ACP7: variants seen among roughly 807,000 people sequenced by gnomAD.
The protein encoded by ACP7 is acid phosphatase 7, tartrate resistant (putative).
ACP7 carries 58 observed loss-of-function variants against 60.6 expected under a neutral mutation model. The ratio of observed to expected loss-of-function variants is 0.96; its 90% confidence interval spans 0.77 to 1.19. ACP7 has a LOEUF of 1.19. ACP7 is among the 50% of genes most tolerant of loss of function. The pLI is 0.00. For missense variants in ACP7, 574 were observed against 596.2 expected (o/e 0.96, Z 0.39); for synonymous variants, 237 against 232.6 (o/e 1.02, Z -0.17).
intron 2 of ACP7, among the ~76,000 whole-genome samples, chr19:39,086,024 G>A (rs1225466254): frequency 2.6e-5 from 4 of 152,256 alleles, no homozygotes; most frequent in Non-Finnish European, 5.9e-5. Flanking sequence ...GTTGCTACCT[G>A]TAAAGGGGCA....
chr19:39,100,909 C>T, intron 7 of ACP7, 40 bp from the exon 8 acceptor site: 1 of 1,610,650 alleles, frequency 6.2e-7, no homozygotes, highest in South Asian at 1.1e-5. Context: ...CCCCCTCCAC[C>T]CCTGACTCCT....
intron 2 of ACP7, among the ~76,000 whole-genome samples, chr19:39,091,672 G>A (rs2073206081): frequency 6.6e-6 from 1 of 152,122 alleles, no homozygotes; most frequent in African/African-American, 2.4e-5. Flanking sequence ...CACTTTGGGA[G>A]GCTGAGGTGG....
Position 39,100,319 on chromosome 19 carries a change from A to G in ACP7, c.598A>G (p.Met200Val). 6.2e-7 allele frequency: 1 copy of G among 1,614,080 alleles called. No homozygotes were observed. The highest frequency in any genetic ancestry group is 1.1e-5 in the South Asian group (1 of 91,070). ...IEPVAASLPY[M>V]TCPGNHEERY... ...ACCCGTGGCTGCCAGCCTGCCGTACATGACATGCCCTGGGAATCATGAAGA... is the reference window on the plus strand; with the variant it reads ...ACCCGTGGCTGCCAGCCTGCCGTACGTGACATGCCCTGGGAATCATGAAGA... Residue 200 changes from methionine to valine, a missense_variant, in exon 5 of 13, where the codon ATG becomes GTG. Coordinates refer to ENST00000331256, the MANE Select transcript of ACP7 (RefSeq NM_001004318.3).
chr19:39,086,395 T>G (rs1434856367), intron 2 of ACP7, among the ~76,000 whole-genome samples: 1 of 152,024 alleles, frequency 6.6e-6, no homozygotes, highest in African/African-American at 2.4e-5. Flanking sequence ...TTTGGGACAC[T>G]GAGGTGGGTG....
At position 39,101,000 on chromosome 19, in the gene ACP7, C is replaced by A; in HGVS notation, c.859C>A (p.Arg287=). 1 of 1,613,848 alleles carries A rather than the reference C, an allele frequency of 6.2e-7. No individual in the cohort carries two copies. Among genetic ancestry groups the A allele is most frequent in the Non-Finnish European group, 8.5e-7 (1 of 1,179,994 alleles). The change falls in exon 8 of 13, where the codon CGG becomes AGG. Residue 287 remains arginine (R), a synonymous_variant. Coordinates refer to ENST00000331256, the MANE Select transcript of ACP7 (RefSeq NM_001004318.3). The part of the protein sequence containing the change: ...ARPWIITMGH[R]PMYCSNADLD... ...GCCGTGGATCATCACTATGGGGCACCGGCCCATGTACTGCTCCAACGCAGA... is the reference window on the plus strand; with the variant it reads ...GCCGTGGATCATCACTATGGGGCACAGGCCCATGTACTGCTCCAACGCAGA...
At chr19:39,089,153 T>A (rs985046863) in intron 2 of ACP7, among the ~76,000 whole-genome samples, 2 of 152,116 alleles carry the variant, frequency 1.3e-5, no homozygotes, top group East Asian at 3.9e-4. Flanking sequence ...GGTCTCGAAC[T>A]CCTGACCTCA....
chr19:39,106,810 C>T, intron 11 of ACP7, 137 bp from the exon 12 acceptor site: 1 of 1,013,782 alleles, frequency 9.9e-7, no homozygotes, highest in Non-Finnish European at 1.4e-6. Flanking sequence ...AGGCATGAGC[C>T]ACTGCGCCCG....
intron 2 of ACP7, among the ~76,000 whole-genome samples, chr19:39,090,571 C>A (rs1428758422): frequency 6.6e-6 from 1 of 152,072 alleles, no homozygotes; most frequent in Non-Finnish European, 1.5e-5. Flanking sequence ...CAACCCCTAC[C>A]TCCCGGGCTC....
intron 11 of ACP7, among the ~76,000 whole-genome samples, chr19:39,102,770 TCTC>T (rs1568482790): frequency 2.1e-4 from 24 of 114,990 alleles, no homozygotes; most frequent in Non-Finnish European, 2.9e-4. Flanking sequence ...TTTCTTTCTC[TCTC>T]TCTCTCTTTC....
At chr19:39,100,145 A>T in intron 4 of ACP7, 82 bp from the exon 5 acceptor site, 1 of 1,558,782 alleles carries the variant, frequency 6.4e-7, no homozygotes, top group Non-Finnish European at 8.7e-7. Context: ...AACAGGTGTG[A>T]GTCACCATAC....
chr19:39,104,026 G>A (rs1450020705), intron 11 of ACP7, among the ~76,000 whole-genome samples: 1 of 151,230 alleles, frequency 6.6e-6, no homozygotes, highest in East Asian at 2.0e-4. Flanking sequence ...GATCGCTTGA[G>A]TCTAGGAGTT....
In ACP7 at chr19:39,094,783, TGATA is replaced by T. The variant is rs1283738959; in HGVS notation, c.122-3674_122-3671del. 2.2e-4 allele frequency among the ~76,000 whole-genome samples: 33 copies of T among 152,280 alleles called. No homozygotes were observed. In the East Asian group the frequency reaches 6.4e-3, roughly 29 times the overall value. ...CAGGGTATATTAGTTTTGATGCTGT[TGATA>T]AAGACATACCTGAGACTGAGAAGAA... On this transcript the variant is annotated intron_variant, in intron 2 of 12. Transcript: ENST00000331256.
At chr19:39,093,166 C>T (rs2073226178) in intron 2 of ACP7, among the ~76,000 whole-genome samples, 1 of 124,334 alleles carries the variant, frequency 8.0e-6, no homozygotes, top group Non-Finnish European at 1.7e-5. Flanking sequence ...CTCTTTCTTT[C>T]TTTCTCTCCT....
At chr19:39,100,109 C>T (rs2073321493) in intron 4 of ACP7, 118 bp from the exon 5 acceptor site, 3 of 1,411,356 alleles carry the variant, frequency 2.1e-6, no homozygotes, top group African/African-American at 2.8e-5. Flanking sequence ...GATACTCTTG[C>T]CTTGGCCTCC....
At chr19:39,100,667 G>T (rs755263176) in intron 6 of ACP7, 25 bp downstream of exon 6, 1 of 1,613,552 alleles carries the variant, frequency 6.2e-7, no homozygotes, top group Admixed American at 1.7e-5. Flanking sequence ...CTGGGGGACT[G>T]GCCCTCTCCC....
chr19:39,091,918 T>C lies in ACP7; in HGVS notation c.121+6528T>C, dbSNP rs557667095. ...CAGAGCAAGACAACAACTAAAAAAA[T>C]AAAAAAATAAAAAAATTGAATTACC... On this transcript the variant is annotated intron_variant, in intron 2 of 12. Coordinates refer to ENST00000331256, the MANE Select transcript of ACP7 (RefSeq NM_001004318.3). 2.2e-5 allele frequency among the ~76,000 whole-genome samples: 3 copies of C among 134,740 alleles called. No homozygotes were observed. In the East Asian group the frequency reaches 6.0e-4, roughly 27 times the overall value. 88.4% of individuals were successfully genotyped at this position (134,740 alleles called of 152,430 possible).
In ACP7 at chr19:39,110,408, T is replaced by C. The variant is rs539341621; in HGVS notation, c.*290T>C. ...CCTGCATAGCTCTGATCGGGCGAGG[T>C]GCCCACGGGGCTTCAGGAATGAAGA... On this transcript the variant is annotated 3_prime_UTR_variant, in exon 13 of 13. Coordinates refer to ENST00000331256, the MANE Select transcript of ACP7 (RefSeq NM_001004318.3). The C allele has an allele frequency of 5.1e-5, 19 of 371,112 alleles. No homozygotes were observed. The South Asian group carries it at 9.3e-4, about 18-fold the overall frequency. 23.0% of individuals were successfully genotyped at this position (371,112 alleles called of 1,614,324 possible). A position where few individuals can be genotyped will look rare whatever the true frequency, so the allele number is the denominator to read the frequency against.
At chr19:39,093,687 C>T (rs1303580692) in intron 2 of ACP7, among the ~76,000 whole-genome samples, 1 of 152,132 alleles carries the variant, frequency 6.6e-6, no homozygotes, top group African/African-American at 2.4e-5. Context: ...CCATGTCTGG[C>T]CTCCTCTTTT....
rs573051767 is a variant in ACP7 at position 39,104,255 on chromosome 19, C to T, written c.1114-2692C>T. ...TTTAGGCATTTTACAATGTTCTCTG[C>T]ATATACAAAGGAGTAATTGTTTAGA... On this transcript the variant is annotated intron_variant, in intron 11 of 12. Transcript: ENST00000331256. Among the ~76,000 whole-genome samples the T allele has an allele frequency of 2.6e-5, 4 of 151,846 alleles. No individual in the cohort carries two copies. The South Asian group carries it at 6.3e-4, about 24-fold the overall frequency.
Sources: gnomAD v4.1 joint callset for allele counts (sites outside exome capture counted in the v4.1 genomes callset) on GRCh38, gnomAD v4.1.1 for gene constraint, MANE v1.5 for transcripts, NCBI Gene and HGNC (gene_info 2026-07-23, HGNC 2026-07-21) for gene names.